Variants in RALB observed in about 807,000 individuals in gnomAD.
RALB encodes RAS like proto-oncogene B.
Under a neutral mutation model 21.3 loss-of-function variants are expected in RALB, and 16 were observed. The observed-to-expected ratio is 0.75, with a 90% CI of 0.51 to 1.14. RALB has a LOEUF of 1.14. Ranked by LOEUF, RALB falls within the 50% of genes most tolerant of loss-of-function variation. RALB has a pLI of 0.00. For missense variants in RALB, 161 were observed against 256.2 expected, an observed-to-expected ratio of 0.63 and a Z score of 2.54; for synonymous variants, 93 against 96.1, an observed-to-expected ratio of 0.97 and a Z score of 0.19.
chr2:120,252,369 G>A (rs1689073200), upstream of RALB, among the ~76,000 whole-genome samples: 1 of 152,234 alleles, frequency 6.6e-6, no homozygotes, highest in South Asian at 2.1e-4. Flanking sequence ...GGCAGGTGGA[G>A]TCCCGCCCCA....
At position 120,269,425 on chromosome 2, in the gene RALB, C is replaced by T. The variant is rs568111015; in HGVS notation, c.-47-9193C>T. 3.3e-5 allele frequency among the ~76,000 whole-genome samples: 5 copies of T among 152,330 alleles called. 1 individual carries two copies. The highest frequency in any genetic ancestry group is 1.2e-4 in the African/African-American group (5 of 41,570). On this transcript the variant is annotated intron_variant, in intron 1 of 4. Coordinates refer to ENST00000272519, the MANE Select transcript of RALB (RefSeq NM_002881.3). The stretch of plus-strand genomic sequence containing the variant: ...GGAAGGTGACCTGAGCAGGTTGCTG[C>T]TGCTGGCTGGGGTGGCCAGTTTTTA...
At chr2:120,271,881 T>A (rs1419104292) in intron 1 of RALB, among the ~76,000 whole-genome samples, 2 of 152,232 alleles carry the variant, frequency 1.3e-5, no homozygotes, top group African/African-American at 2.4e-5. Context: ...CTGAATTTTC[T>A]AAGGGGAGAA....
intron 1 of RALB, among the ~76,000 whole-genome samples, chr2:120,260,091 C>T (rs1166331067): frequency 1.3e-5 from 2 of 152,214 alleles, no homozygotes; most frequent in African/African-American, 2.4e-5. Flanking sequence ...CCAGCTGGCC[C>T]GCAAGTGCCG....
intron 1 of RALB, among the ~76,000 whole-genome samples, chr2:120,242,679 C>T (rs749086385): frequency 1.6e-4 from 24 of 152,034 alleles, no homozygotes; most frequent in Non-Finnish European, 2.4e-4. Context: ...CAGAGCTTGC[C>T]GTGAGCTGAG....
chr2:120,283,469 G>T (rs1472921350), intron 2 of RALB, among the ~76,000 whole-genome samples: 7 of 152,152 alleles, frequency 4.6e-5, no homozygotes, highest in Non-Finnish European at 7.3e-5. Context: ...TTTAGCTTAT[G>T]TGATGGAATT....
Position 120,252,920 on chromosome 2 carries a change from G to A in RALB, c.-108G>A. The A allele has an allele frequency of 1.0e-6, 1 of 985,564 alleles. No homozygotes were observed. The highest frequency in any genetic ancestry group is 1.2e-6 in the Non-Finnish European group (1 of 830,128). 61.1% of individuals were successfully genotyped at this position (985,564 alleles called of 1,614,324 possible). ...CTGGGGTCCGGCCCCGGGAGGGGGC[G>A]GGGCGCGTTTAAGAGCTGCGGGCCG... On this transcript the variant is annotated 5_prime_UTR_variant, in exon 1 of 5. Coordinates refer to ENST00000272519, the MANE Select transcript of RALB (RefSeq NM_002881.3).
chr2:120,256,652 C>G (rs1689207330), intron 1 of RALB, among the ~76,000 whole-genome samples: 1 of 152,218 alleles, frequency 6.6e-6, no homozygotes, highest in African/African-American at 2.4e-5. Flanking sequence ...CCCTGCGGAA[C>G]TGTGAGTCAA....
chr2:120,256,594 G>A (rs1573323558), intron 1 of RALB, among the ~76,000 whole-genome samples: 1 of 152,166 alleles, frequency 6.6e-6, no homozygotes, highest in African/African-American at 2.4e-5. Context: ...GCTGCCCTGT[G>A]AAGTGGTTCC....
At chr2:120,273,597 A>C (rs933484545) in intron 1 of RALB, among the ~76,000 whole-genome samples, 1 of 152,218 alleles carries the variant, frequency 6.6e-6, no homozygotes, top group Non-Finnish European at 1.5e-5. Flanking sequence ...GAAAGGATCA[A>C]TTTTAGGGAG....
At chr2:120,256,948 C>T (rs1689215062) in intron 1 of RALB, among the ~76,000 whole-genome samples, 1 of 152,190 alleles carries the variant, frequency 6.6e-6, no homozygotes, top group Admixed American at 6.5e-5. Context: ...GATGGAAAGA[C>T]AGCTGAGGTC....
At position 120,286,029 on chromosome 2, in the gene RALB, T is replaced by A. The variant is rs141892771; in HGVS notation, c.270T>A (p.Leu90=). The change falls in exon 3 of 5, where the codon CTT becomes CTA. Residue 90 remains leucine (L), a synonymous_variant. Transcript: ENST00000272519. ...DNYFRSGEGF[L]LVFSITEHES... ...ACTTTCGGAGTGGGGAAGGGTTTCTTCTTGTGTTCTCAATCACAGAACATG... is the reference window on the plus strand; with the variant it reads ...ACTTTCGGAGTGGGGAAGGGTTTCTACTTGTGTTCTCAATCACAGAACATG... 34 of 1,614,026 alleles carry A rather than the reference T, an allele frequency of 2.1e-5. No individual in the cohort carries two copies. The East Asian group carries it at 7.4e-4, about 35-fold the overall frequency.
intron 1 of RALB, among the ~76,000 whole-genome samples, chr2:120,247,056 C>G (rs907653685): frequency 6.6e-6 from 1 of 152,190 alleles, no homozygotes; most frequent in Non-Finnish European, 1.5e-5. Context: ...GCTGTCACCC[C>G]GTGGCGGCTT....
chr2:120,269,192 AGC>A (rs1689585834), intron 1 of RALB, among the ~76,000 whole-genome samples: 2 of 152,172 alleles, frequency 1.3e-5, no homozygotes, highest in African/African-American at 2.4e-5. Flanking sequence ...TGAGTGTTAC[AGC>A]TCTTAAACGT....
chr2:120,260,483 C>T (rs1026276647), intron 1 of RALB, among the ~76,000 whole-genome samples: 2 of 152,258 alleles, frequency 1.3e-5, no homozygotes, highest in African/African-American at 4.8e-5. Context: ...GCGGTCAGGG[C>T]TGCATCCTCA....
At chr2:120,275,528 G>C (rs1689771868) in intron 1 of RALB, among the ~76,000 whole-genome samples, 2 of 152,150 alleles carry the variant, frequency 1.3e-5, no homozygotes, top group South Asian at 4.1e-4. Flanking sequence ...ATCTAGGGTG[G>C]GACCCAGGTG....
chr2:120,261,388 G>A (rs907066260), intron 1 of RALB, among the ~76,000 whole-genome samples: 9 of 152,128 alleles, frequency 5.9e-5, no homozygotes, highest in Non-Finnish European at 1.0e-4. Flanking sequence ...GAAGAAGGGC[G>A]TGGAAGGTTT....
At chr2:120,285,429 T>C (rs540149237) in intron 2 of RALB, among the ~76,000 whole-genome samples, 2 of 152,322 alleles carry the variant, frequency 1.3e-5, no homozygotes, top group Admixed American at 1.3e-4. Context: ...TATACTTCCG[T>C]TATGAATAAG....
chr2:120,269,191 C>A (rs1266185982), intron 1 of RALB, among the ~76,000 whole-genome samples: 1 of 152,192 alleles, frequency 6.6e-6, no homozygotes, highest in Non-Finnish European at 1.5e-5. Context: ...GTGAGTGTTA[C>A]AGCTCTTAAA....
intron 1 of RALB, chr2:120,253,332 C>A (rs937548915): frequency 2.3e-5 from 22 of 947,510 alleles, no homozygotes; most frequent in Non-Finnish European, 2.6e-5. Flanking sequence ...CCTCAGTCCT[C>A]CGGCCGCGGC....
Sources: allele counts gnomAD v4.1 joint callset (sites outside exome capture counted in the v4.1 genomes callset), GRCh38; gene constraint gnomAD v4.1.1; transcripts MANE v1.5; gene names NCBI Gene and HGNC (gene_info 2026-07-23, HGNC 2026-07-21).